The following ZFP30 variants were observed in gnomAD, a reference collection of about 807,000 sequenced individuals.
ZFP30 encodes ZFP30 zinc finger protein, also known as zinc finger protein 30 homolog.
A neutral mutation model predicts 12.3 loss-of-function variants in ZFP30; 16 were observed. That is an observed-to-expected ratio of 1.30 (90% CI 0.88 to 1.98). The LOEUF is 1.98. Among genes scored for constraint, ZFP30 ranks in the 30% most tolerant of loss-of-function variants. ZFP30 has a pLI of 0.00. For missense variants in ZFP30, 560 were observed against 611.2 expected, an observed-to-expected ratio of 0.92 and a Z score of 0.88; for synonymous variants, 172 against 201.0, an observed-to-expected ratio of 0.86 and a Z score of 1.22.
rs1391980371 is a variant in ZFP30 at position 37,654,893 on chromosome 19, TG to T, written c.-245-15del. 6.6e-6 allele frequency: 1 copy of T among 152,134 alleles called. No homozygotes were observed. The highest frequency in any genetic ancestry group is 1.5e-5 in the Non-Finnish European group (1 of 68,158). The allele number at this position is 152,134 out of a possible 1,614,324, so 9.4% of individuals were successfully genotyped here. ...ACTAACCGCCACCTGCATGCACAAATGGAAACGACAGGGCAGAGGGTCAGCA... is the reference window on the plus strand; with the variant it reads ...ACTAACCGCCACCTGCATGCACAAATGAAACGACAGGGCAGAGGGTCAGCA... On this transcript the variant is annotated splice_polypyrimidine_tract_variant and intron_variant, in intron 1 of 5. Coordinates refer to ENST00000684514, the MANE Select transcript of ZFP30 (RefSeq NM_001320669.3).
chr19:37,648,713 C>T (rs1252780913), intron 2 of ZFP30, among the ~76,000 whole-genome samples: 1 of 152,128 alleles, frequency 6.6e-6, no homozygotes, highest in Non-Finnish European at 1.5e-5. Flanking sequence ...CTTTGAGAAC[C>T]ACAGGTATAA....
In ZFP30 at chr19:37,638,700, CATA is replaced by C. The variant is rs551797546; in HGVS notation, c.236-2398_236-2396del. Reference sequence around the variant, plus strand: ...ATGCAGCAAGGGCTAATCTCAAAAACATAATGGTGAATAAACAAAACTAGACAT... The same window carrying C: ...ATGCAGCAAGGGCTAATCTCAAAAACATGGTGAATAAACAAAACTAGACAT... On this transcript the variant is annotated intron_variant, in intron 5 of 5. Transcript: ENST00000684514. Among the ~76,000 whole-genome samples, 342 of 152,236 alleles carry C rather than the reference CATA, an allele frequency of 2.2e-3. 1 individual carries two copies. The highest frequency in any genetic ancestry group is 3.9e-3 in the Non-Finnish European group (265 of 67,998).
In ZFP30 at chr19:37,635,908, G is replaced by T; in HGVS notation, c.633C>A (p.Asp211Glu). The change falls in exon 6 of 6, where the codon GAC (aspartate) becomes GAA (glutamate). Residue 211 changes from aspartate (D) to glutamate (E), a missense_variant. Asp to Glu is a conservative substitution (Grantham distance 45, BLOSUM62 2). Coordinates refer to ENST00000684514, the MANE Select transcript of ZFP30 (RefSeq NM_001320669.3). ...LSRHQRIHTS[D>E]KLYECKKCGK... The stretch of plus-strand genomic sequence containing the variant: ...CACATTTTTTACATTCATAGAGTTT[G>T]TCAGAAGTATGAATTCTCTGATGTC... 1.9e-6 allele frequency: 3 copies of T among 1,613,892 alleles called. No individual in the cohort carries two copies. The highest frequency in any genetic ancestry group is 1.1e-5 in the South Asian group (1 of 91,074).
At position 37,635,922 on chromosome 19, in the gene ZFP30, T is replaced by A. The variant is rs780485371; in HGVS notation, c.619A>T (p.Ile207Phe). 6.2e-7 allele frequency: 1 copy of A among 1,614,082 alleles called. No individual in the cohort carries two copies. Among genetic ancestry groups the A allele is most frequent in the South Asian group, 1.1e-5 (1 of 91,078 alleles). Residue 207 changes from isoleucine (I) to phenylalanine (F), a missense_variant, in exon 6 of 6, where the codon ATT becomes TTT. Coordinates refer to ENST00000684514, the MANE Select transcript of ZFP30 (RefSeq NM_001320669.3). Reference protein sequence around the residue: ...QCAHLSRHQRIHTSDKLYECK... With the variant: ...QCAHLSRHQRFHTSDKLYECK... ...TCATAGAGTTTGTCAGAAGTATGAA[T>A]TCTCTGATGTCGACTGAGGTGGGCA... is the stretch of plus-strand genomic sequence containing the variant.
intron 5 of ZFP30, among the ~76,000 whole-genome samples, chr19:37,642,498 AC>A (rs1282847815): frequency 2.0e-5 from 3 of 152,004 alleles, no homozygotes; most frequent in African/African-American, 4.8e-5. Context: ...TACCTTACTC[AC>A]TTTTCTTCAT....
At chr19:37,647,528 C>T (rs1424819372) in intron 3 of ZFP30, among the ~76,000 whole-genome samples, 2 of 152,132 alleles carry the variant, frequency 1.3e-5, no homozygotes, top group Non-Finnish European at 2.9e-5. Context: ...TAAGGTCTCC[C>T]CAGCTATGTG....
At chr19:37,643,218 G>A in intron 5 of ZFP30, 47 bp downstream of exon 5, 1 of 1,501,076 alleles carries the variant, frequency 6.7e-7, no homozygotes, top group South Asian at 1.2e-5. Flanking sequence ...TCAACCAGCA[G>A]GTCTGGCCAT....
intron 2 of ZFP30, among the ~76,000 whole-genome samples, chr19:37,648,970 G>C (rs2044595726): frequency 6.6e-6 from 1 of 152,208 alleles, no homozygotes; most frequent in Non-Finnish European, 1.5e-5. Context: ...GGGTGCAGTG[G>C]CTCATGCCTG....
chr19:37,634,989 C>T lies in ZFP30; in HGVS notation c.1552G>A (p.Val518Ile). The T allele has an allele frequency of 6.5e-7, 1 of 1,543,066 alleles. No individual in the cohort carries two copies. The highest frequency in any genetic ancestry group is 8.7e-7 in the Non-Finnish European group (1 of 1,148,050). The change falls in exon 6 of 6, where the codon GTA becomes ATA. Residue 518 changes from valine to isoleucine, a missense_variant. Physicochemically the swap from Val to Ile is conservative, Grantham distance 29. Coordinates refer to ENST00000684514, the MANE Select transcript of ZFP30 (RefSeq NM_001320669.3). ...HLTYHQRIHN[V>I]T ...AAGAGTTCTAATAATTATTAAGTTA[C>T]ATTATGAATTCGCTGATGGTAAGTA...
At chr19:37,653,118 CAAAAAAAA>C (rs372066359) in intron 2 of ZFP30, among the ~76,000 whole-genome samples, 1 of 48,648 alleles carries the variant, frequency 2.1e-5, no homozygotes, top group Non-Finnish European at 4.3e-5. Context: ...AACTCCGTCT[CAAAAAAAA>C]AAAAAAAAAG....
Position 37,647,849 on chromosome 19 carries a change from A to G in ZFP30, c.-27T>C. The G allele has an allele frequency of 4.3e-6, 7 of 1,614,096 alleles. No homozygotes were observed. Among genetic ancestry groups the G allele is most frequent in the Non-Finnish European group, 5.9e-6 (7 of 1,179,954 alleles). ...ATTTTAGAACTGCTAGAACTGGTCA[A>G]TTTTCCTCAAGGTTCATGTACTTCA... On this transcript the variant is annotated 5_prime_UTR_variant, in exon 3 of 6. Transcript: ENST00000684514.
chr19:37,636,507 A>AC (rs368518661), intron 5 of ZFP30, among the ~76,000 whole-genome samples: 249 of 152,252 alleles, frequency 1.6e-3, no homozygotes, highest in African/African-American at 5.8e-3. Context: ...AGACCAGGTT[A>AC]TTTGGGTGCA....
Position 37,635,226 on chromosome 19 carries a change from T to TA in ZFP30, c.1314dup (p.Lys439Ter). ...AAAGTCTTCTCACATTCCTTACACT[T>TA]AAAGGGTTTCTCACCAAAATGAATA... On this transcript the variant is annotated frameshift_variant, in exon 6 of 6. Transcript: ENST00000684514. LOFTEE classifies it high-confidence loss of function. 3 of 1,613,814 alleles carry TA rather than the reference T, an allele frequency of 1.9e-6. No individual in the cohort carries two copies. Among genetic ancestry groups the TA allele is most frequent in the Non-Finnish European group, 2.5e-6 (3 of 1,179,898 alleles).
At chr19:37,650,861 C>T (rs1056765558) in intron 2 of ZFP30, among the ~76,000 whole-genome samples, 4 of 152,010 alleles carry the variant, frequency 2.6e-5, no homozygotes, top group Non-Finnish European at 5.9e-5. Flanking sequence ...TCCCAGCCTC[C>T]CGAGTAGCTG....
intron 5 of ZFP30, among the ~76,000 whole-genome samples, chr19:37,641,017 A>G (rs2044424201): frequency 6.6e-6 from 1 of 152,214 alleles, no homozygotes; most frequent in Non-Finnish European, 1.5e-5. Context: ...CTGAATTCCA[A>G]TGAAATACTG....
upstream of ZFP30, chr19:37,655,873 C>A (rs915729791): frequency 7.2e-5 from 11 of 152,344 alleles, no homozygotes; most frequent in African/African-American, 2.6e-4. Context: ...GGGGGGCGAA[C>A]GCTGGGGCCC....
In ZFP30 at chr19:37,636,017, AAAGT is replaced by A; in HGVS notation, c.520_523del (p.Thr174SerfsTer117). The stretch of plus-strand genomic sequence containing the variant: ...CTCACCAGTATGAATTCTTTGATGG[AAAGT>A]AAGTTGTTGTCGTACTCTAAAAGCC... On this transcript the variant is annotated frameshift_variant, in exon 6 of 6. Coordinates refer to ENST00000684514, the MANE Select transcript of ZFP30 (RefSeq NM_001320669.3). LOFTEE classifies it low-confidence loss of function (END_TRUNC). 6.2e-7 allele frequency: 1 copy of A among 1,614,078 alleles called. No individual in the cohort carries two copies. The highest frequency in any genetic ancestry group is 1.3e-5 in the African/African-American group (1 of 75,016).
chr19:37,640,803 C>T (rs575314321), intron 5 of ZFP30, among the ~76,000 whole-genome samples: 1 of 152,032 alleles, frequency 6.6e-6, no homozygotes, highest in Middle Eastern at 3.4e-3. Context: ...CTTGTCATCC[C>T]CGGAGGTATG....
At chr19:37,638,847 A>T (rs1288189873) in intron 5 of ZFP30, among the ~76,000 whole-genome samples, 2 of 152,204 alleles carry the variant, frequency 1.3e-5, no homozygotes, top group African/African-American at 4.8e-5. Context: ...AAAGAAGTCA[A>T]GAGGGGCTTC....
Sources: allele counts gnomAD v4.1 joint callset (sites outside exome capture counted in the v4.1 genomes callset), GRCh38; gene constraint gnomAD v4.1.1; transcripts MANE v1.5; gene names NCBI Gene and HGNC (gene_info 2026-07-23, HGNC 2026-07-21).